HAO1: variants seen among roughly 807,000 people sequenced by gnomAD.
HAO1 encodes 2-Hydroxyacid oxidase 1.
In HAO1, 34 loss-of-function variants were observed where a neutral mutation model predicts 39.7. That is an observed-to-expected ratio of 0.86 (90% confidence interval 0.65 to 1.14). The LOEUF (loss-of-function observed/expected upper bound fraction) is 1.14, where lower values mean the gene tolerates loss of function less well. Ranked by LOEUF, HAO1 falls within the 50% of genes most tolerant of loss-of-function variation. The pLI is 0.00. For missense variants in HAO1, 479 were observed against 464.5 expected, an observed-to-expected ratio of 1.03 and a Z score of -0.29; for synonymous variants, 172 against 173.2, an observed-to-expected ratio of 0.99 and a Z score of 0.05.
intron 4 of HAO1, 143 bp downstream of exon 4, chr20:7,906,011 A>T: frequency 1.5e-6 from 1 of 683,064 alleles, no homozygotes; most frequent in Non-Finnish European, 2.6e-6. Context: ...ACTCACTAAC[A>T]TGAAAACAGA....
chr20:7,903,930 A>G (rs1331353023), intron 4 of HAO1, among the ~76,000 whole-genome samples: 9 of 152,012 alleles, frequency 5.9e-5, no homozygotes, highest in Admixed American at 2.6e-4. Flanking sequence ...GTGATAACAG[A>G]ATGAAGATCT....
rs368339569 is a variant in HAO1 at position 7,915,759 on chromosome 20, A to T, written c.290-1340T>A. 2.0e-5 allele frequency among the ~76,000 whole-genome samples: 3 copies of T among 152,264 alleles called. No homozygotes were observed. In the East Asian group the frequency reaches 5.8e-4, roughly 29 times the overall value. On this transcript the variant is annotated intron_variant, in intron 2 of 7. Coordinates refer to ENST00000378789, the MANE Select transcript of HAO1 (RefSeq NM_017545.3). ...ATAGAAAAATGTTTATGATATATAG[A>T]TATATTAAGGAAAGAAAAAAGTTTA...
intron 2 of HAO1, among the ~76,000 whole-genome samples, chr20:7,929,364 CA>C (rs1171349457): frequency 6.6e-6 from 1 of 152,122 alleles, no homozygotes; most frequent in East Asian, 1.9e-4. Flanking sequence ...CATGAATCCT[CA>C]CAAGAAATCC....
In HAO1 at chr20:7,885,588, C is replaced by G; in HGVS notation, c.975G>C (p.Gly325=). 1.2e-6 allele frequency: 2 copies of G among 1,609,420 alleles called. No individual in the cohort carries two copies. Among genetic ancestry groups the G allele is most frequent in the East Asian group, 4.5e-5 (2 of 44,778 alleles). Residue 325 remains glycine (G), a splice_region_variant and synonymous_variant, in exon 7 of 8, where the codon GGG becomes GGC. Transcript: ENST00000378789. The stretch of plus-strand genomic sequence containing the variant: ...CGAGGACATCTTGAACACCTTTCTC[C>G]CCCTAACCAAGTGAAAAGATACAGA... The part of the protein sequence containing the change: ...RPIVWGLAFQ[G]EKGVQDVLEI...
chr20:7,895,975 G>A (rs868830626), intron 4 of HAO1, among the ~76,000 whole-genome samples: 1 of 152,142 alleles, frequency 6.6e-6, no homozygotes, highest in African/African-American at 2.4e-5. Flanking sequence ...AGGAGGCTGA[G>A]GCAGGAGAAT....
chr20:7,897,356 C>T (rs1353343341), intron 4 of HAO1, among the ~76,000 whole-genome samples: 1 of 152,044 alleles, frequency 6.6e-6, no homozygotes, highest in Non-Finnish European at 1.5e-5. Context: ...TAATAATTTC[C>T]TCCAGGCCTC....
At chr20:7,909,619 G>C (rs1196549178) in intron 3 of HAO1, among the ~76,000 whole-genome samples, 1 of 151,368 alleles carries the variant, frequency 6.6e-6, no homozygotes, top group Non-Finnish European at 1.5e-5. Context: ...TGTTTTAGCT[G>C]TTAGTAATTT....
chr20:7,891,178 T>C (rs1219629270), intron 5 of HAO1, among the ~76,000 whole-genome samples: 2 of 152,198 alleles, frequency 1.3e-5, no homozygotes, highest in Non-Finnish European at 2.9e-5. Context: ...TGTAGAAATG[T>C]TCCCTGATCA....
At chr20:7,899,633 G>A (rs1207623459) in intron 4 of HAO1, among the ~76,000 whole-genome samples, 1 of 152,148 alleles carries the variant, frequency 6.6e-6, no homozygotes, top group African/African-American at 2.4e-5. Context: ...GGATAGGATT[G>A]TGAATTTCTA....
chr20:7,884,410 G>C (rs1336709872), intron 7 of HAO1, among the ~76,000 whole-genome samples: 4 of 152,122 alleles, frequency 2.6e-5, no homozygotes, highest in Non-Finnish European at 1.5e-5. Flanking sequence ...AGGTACTATG[G>C]AAAAAGGATG....
intron 3 of HAO1, among the ~76,000 whole-genome samples, chr20:7,907,183 C>T (rs1368842404): frequency 6.6e-6 from 1 of 152,150 alleles, no homozygotes; most frequent in Admixed American, 6.5e-5. Flanking sequence ...CTCTGAACTT[C>T]TCGGTCTGCT....
chr20:7,926,565 T>C (rs2050360225), intron 2 of HAO1, among the ~76,000 whole-genome samples: 1 of 152,214 alleles, frequency 6.6e-6, no homozygotes, highest in Non-Finnish European at 1.5e-5. Context: ...GGTCTTTCAC[T>C]CATTGTTAAG....
intron 4 of HAO1, among the ~76,000 whole-genome samples, chr20:7,899,340 A>G (rs1348229603): frequency 6.6e-6 from 1 of 152,156 alleles, no homozygotes; most frequent in Non-Finnish European, 1.5e-5. Flanking sequence ...ACTCAGATAA[A>G]TATTAACTAT....
chr20:7,914,353 G>A lies in HAO1; in HGVS notation c.356C>T (p.Ala119Val), dbSNP rs200686504. 6.4e-5 allele frequency: 104 copies of A among 1,613,714 alleles called. No individual in the cohort carries two copies. In the Middle Eastern group the frequency reaches 8.2e-4, roughly 13 times the overall value. The change falls in exon 3 of 8, where the codon GCG becomes GTG. Residue 119 changes from alanine to valine, a missense_variant. Ala to Val is a moderately conservative substitution (Grantham distance 64). Coordinates refer to ENST00000378789, the MANE Select transcript of HAO1 (RefSeq NM_017545.3). The stretch of plus-strand genomic sequence containing the variant: ...ACGAAGTGCCTCAGGACCAGCTTCC[G>A]CCACTTCTTCAATTGAGGAGGTGGC... ...SWATSSIEEV[A>V]EAGPEALRWL...
At chr20:7,934,300 A>C (rs2050399662) in intron 2 of HAO1, among the ~76,000 whole-genome samples, 184 bp downstream of exon 2, 1 of 152,230 alleles carries the variant, frequency 6.6e-6, no homozygotes, top group Admixed American at 6.5e-5. Flanking sequence ...TATCTTGCCC[A>C]GTCACACAGC....
At chr20:7,930,137 GAT>G (rs985261661) in intron 2 of HAO1, among the ~76,000 whole-genome samples, 23 of 152,136 alleles carry the variant, frequency 1.5e-4, no homozygotes, top group African/African-American at 5.3e-4. Context: ...TCTCCAGGGA[GAT>G]TGATAACTAA....
At chr20:7,905,697 A>C (rs1233831100) in intron 4 of HAO1, among the ~76,000 whole-genome samples, 9 of 152,220 alleles carry the variant, frequency 5.9e-5, no homozygotes. Flanking sequence ...GTTTGACCAC[A>C]CTCAAAAACT....
intron 5 of HAO1, among the ~76,000 whole-genome samples, chr20:7,894,235 T>G (rs1266955257): frequency 6.6e-6 from 1 of 152,158 alleles, no homozygotes; most frequent in African/African-American, 2.4e-5. Context: ...CCCCAGTCTC[T>G]GATCTTAAAA....
chr20:7,911,787 C>A (rs1010179301), intron 3 of HAO1, among the ~76,000 whole-genome samples: 2 of 152,314 alleles, frequency 1.3e-5, no homozygotes, highest in Non-Finnish European at 2.9e-5. Flanking sequence ...CCCTTGCCTG[C>A]CAAACTTCAC....
Sources: allele counts gnomAD v4.1 joint callset (sites outside exome capture counted in the v4.1 genomes callset), GRCh38; gene constraint gnomAD v4.1.1; transcripts MANE v1.5; gene names NCBI Gene and HGNC (gene_info 2026-07-23, HGNC 2026-07-21).